Variants in ANK3 observed in about 807,000 individuals in gnomAD.
The protein encoded by ANK3 is ankyrin-3.
In ANK3, 57 loss-of-function variants were observed where a neutral mutation model predicts 370.9. The observed-to-expected ratio is 0.15, with a 90% CI of 0.12 to 0.19. The LOEUF is 0.19. Among genes scored for constraint, ANK3 ranks in the 10% least tolerant of loss-of-function variants. The pLI is 1.00. For synonymous variants in ANK3, 1,929 were observed against 1,946.3 expected (o/e 0.99, Z 0.23); for missense variants, 4,439 against 5,302.1 (o/e 0.84, Z 5.06).
intron 8 of ANK3, among the ~76,000 whole-genome samples, chr10:60,213,795 T>G (rs1162164025): frequency 6.6e-6 from 1 of 152,174 alleles, no homozygotes; most frequent in African/African-American, 2.4e-5. Flanking sequence ...ATCTAAGTAC[T>G]ACAAGTAATT....
intron 1 of ANK3, among the ~76,000 whole-genome samples, chr10:60,317,298 A>C (rs10821720): frequency 0.75 from 114,505 of 151,818 alleles, 43,277 homozygotes; most frequent in South Asian, 0.92. Context: ...CTAATTTTTA[A>C]GTTTTTAGTA....
intron 1 of ANK3, among the ~76,000 whole-genome samples, chr10:60,696,899 C>T (rs1206433744): frequency 2.8e-5 from 4 of 144,498 alleles, no homozygotes; most frequent in Non-Finnish European, 6.0e-5. Flanking sequence ...GAAGTTCTGG[C>T]CAGGGCAATC....
At chr10:60,659,209 T>C (rs895300327) in intron 1 of ANK3, among the ~76,000 whole-genome samples, 4 of 152,266 alleles carry the variant, frequency 2.6e-5, no homozygotes, top group Non-Finnish European at 5.9e-5. Flanking sequence ...AAAGTATCTA[T>C]TTTTCCAGCT....
intron 10 of ANK3, 22 bp from the exon 11 acceptor site, chr10:60,205,912 A>C: frequency 7.0e-7 from 1 of 1,435,960 alleles, no homozygotes; most frequent in Non-Finnish European, 9.8e-7. Flanking sequence ...AAATACATAT[A>C]CCTGCTTGAC....
At chr10:60,049,585 CA>C (rs1008543562) in intron 42 of ANK3, among the ~76,000 whole-genome samples, 1 of 150,108 alleles carries the variant, frequency 6.7e-6, no homozygotes. Flanking sequence ...GACTCTGTCT[CA>C]AAAAAAAAGT....
intron 35 of ANK3, 88 bp from the exon 36 acceptor site, chr10:60,080,706 A>G: frequency 1.0e-6 from 1 of 1,000,316 alleles, no homozygotes; most frequent in South Asian, 1.5e-5. Context: ...TGGCATGTTG[A>G]TAACTTGTTT....
At chr10:60,619,829 C>T (rs181630599) in intron 1 of ANK3, among the ~76,000 whole-genome samples, 92 of 152,276 alleles carry the variant, frequency 6.0e-4, no homozygotes, top group African/African-American at 2.2e-3. Flanking sequence ...GTCTCCAGAA[C>T]CATTAGTTAC....
upstream of ANK3, among the ~76,000 whole-genome samples, chr10:60,393,180 G>C (rs10821748): frequency 0.12 from 18,377 of 152,110 alleles, 1,527 homozygotes; most frequent in East Asian, 0.26. Context: ...CAGCGGAGCT[G>C]CATGGCTGAA....
At chr10:60,536,531 T>C (rs2076728944) in intron 2 of ANK3, among the ~76,000 whole-genome samples, 1 of 152,052 alleles carries the variant, frequency 6.6e-6, no homozygotes, top group Admixed American at 6.6e-5. Context: ...TCTAAAATAG[T>C]CTACATGATC....
intron 36 of ANK3, among the ~76,000 whole-genome samples, chr10:60,079,624 A>G (rs1459073401): frequency 6.6e-6 from 1 of 152,206 alleles, no homozygotes; most frequent in African/African-American, 2.4e-5. Flanking sequence ...ATGATTCACT[A>G]ATTAAAAAAT....
At chr10:60,355,175 T>A (rs558237376) in intron 1 of ANK3, among the ~76,000 whole-genome samples, 2 of 152,340 alleles carry the variant, frequency 1.3e-5, no homozygotes, top group East Asian at 3.9e-4. Flanking sequence ...CTTTTTATAA[T>A]CTGTATTGCT....
intron 2 of ANK3, among the ~76,000 whole-genome samples, chr10:60,520,714 T>C (rs2076328083): frequency 1.3e-5 from 2 of 152,176 alleles, no homozygotes; most frequent in African/African-American, 2.4e-5. Context: ...GTACTTACTA[T>C]GGTGTTTCTG....
At chr10:60,332,116 G>T (rs1251619630) in intron 1 of ANK3, among the ~76,000 whole-genome samples, 1 of 152,070 alleles carries the variant, frequency 6.6e-6, no homozygotes, top group Non-Finnish European at 1.5e-5. Context: ...AAGGACATCA[G>T]CTAGTTACCA....
intron 1 of ANK3, among the ~76,000 whole-genome samples, chr10:60,301,367 TAC>T (rs141317635): frequency 0.13 from 18,968 of 144,078 alleles, 1,373 homozygotes; most frequent in African/African-American, 0.15. Context: ...CACGCACAGA[TAC>T]ACACACACAC....
At chr10:60,427,065 A>C (rs1005990353) in intron 2 of ANK3, among the ~76,000 whole-genome samples, 1 of 152,186 alleles carries the variant, frequency 6.6e-6, no homozygotes, top group Non-Finnish European at 1.5e-5. Flanking sequence ...AGTGATAAAG[A>C]AGGTGTTATC....
At chr10:60,214,009 A>G (rs998493355) in intron 8 of ANK3, among the ~76,000 whole-genome samples, 1 of 152,154 alleles carries the variant, frequency 6.6e-6, no homozygotes, top group Admixed American at 6.5e-5. Flanking sequence ...AGGTTGAAAT[A>G]TTTCCTGACA....
chr10:60,315,161 A>G (rs2047139347), intron 1 of ANK3, among the ~76,000 whole-genome samples: 1 of 152,166 alleles, frequency 6.6e-6, no homozygotes, highest in African/African-American at 2.4e-5. Flanking sequence ...TGAGTTTAAA[A>G]CAGTCAGAAC....
At chr10:60,295,512 A>G (rs1593222833) in intron 1 of ANK3, among the ~76,000 whole-genome samples, 1 of 152,306 alleles carries the variant, frequency 6.6e-6, no homozygotes, top group South Asian at 2.1e-4. Flanking sequence ...TAACCATGAG[A>G]GTCAAACAAA....
chr10:60,705,191 TTTGAG>T (rs1248559127), intron 1 of ANK3, among the ~76,000 whole-genome samples: 1 of 152,146 alleles, frequency 6.6e-6, no homozygotes. Flanking sequence ...TCTGTTGTCT[TTTGAG>T]TTAAGTGAGA....
Sources: allele counts gnomAD v4.1 joint callset (sites outside exome capture counted in the v4.1 genomes callset), GRCh38; gene constraint gnomAD v4.1.1; transcripts MANE v1.5; gene names NCBI Gene and HGNC (gene_info 2026-07-23, HGNC 2026-07-21).